Variants in SMARCA2 observed in about 807,000 individuals in gnomAD.
SMARCA2 encodes SWI/SNF related BAF chromatin remodeling complex subunit ATPase 2.
A neutral mutation model predicts 199.8 loss-of-function variants in SMARCA2; 61 were observed. The observed-to-expected ratio is 0.31, with a 90% CI of 0.25 to 0.38. The LOEUF is 0.38. Ranked by LOEUF, SMARCA2 falls within the 10% of genes least tolerant of loss-of-function variation. SMARCA2 has a pLI of 1.00. For synonymous variants in SMARCA2, 935 were observed against 732.0 expected, an observed-to-expected ratio of 1.28 and a Z score of -4.48; for missense variants, 1,344 against 2,012.2, an observed-to-expected ratio of 0.67 and a Z score of 6.35.
At chr9:2,116,083 A>C in intron 25 of SMARCA2, 34 bp downstream of exon 25, 1 of 1,477,884 alleles carries the variant, frequency 6.8e-7, no homozygotes, top group Non-Finnish European at 9.4e-7. Context: ...ATGAAATCAA[A>C]CAGTGGCCTT....
At chr9:2,080,626 G>C (rs1821527767) in intron 14 of SMARCA2, among the ~76,000 whole-genome samples, 2 of 152,054 alleles carry the variant, frequency 1.3e-5, no homozygotes, top group African/African-American at 4.8e-5. Context: ...TTCTCTTGGA[G>C]GTTCTTCCTG....
intron 27 of SMARCA2, among the ~76,000 whole-genome samples, chr9:2,136,535 G>A (rs890894772): frequency 7.2e-5 from 11 of 152,172 alleles, no homozygotes; most frequent in African/African-American, 2.6e-4. Flanking sequence ...GTACATTTAT[G>A]GAGACTGTTG....
chr9:2,033,236 C>T (rs1819154675), intron 3 of SMARCA2, 155 bp downstream of exon 3: 2 of 695,436 alleles, frequency 2.9e-6, no homozygotes, highest in South Asian at 2.2e-5. Flanking sequence ...CCGTCCTCAC[C>T]AATACAACCT....
In SMARCA2 at chr9:2,169,676, T is replaced by C. The variant is rs1826135433; in HGVS notation, c.4200-743T>C. On this transcript the variant is annotated intron_variant, in intron 28 of 33. Transcript: ENST00000349721. This position sits in a 1 kb window ranked among gnomAD's most constrained non-coding sequence, Gnocchi z 6.5. ...GGTGCTGTCTACACCTGGAGGGAGA[T>C]CTAGAGGGTATGGAGGGTCTTCCCA... Among the ~76,000 whole-genome samples, 1 of 151,844 alleles carries C rather than the reference T, an allele frequency of 6.6e-6. No homozygotes were observed. Among genetic ancestry groups the C allele is most frequent in the Non-Finnish European group, 1.5e-5 (1 of 67,974 alleles).
At chr9:2,186,850 T>G (rs1007672310) in intron 32 of SMARCA2, among the ~76,000 whole-genome samples, 4 of 118,498 alleles carry the variant, frequency 3.4e-5, no homozygotes, top group Non-Finnish European at 7.9e-5. Flanking sequence ...GAATGTTGCC[T>G]TTGAATATTA....
chr9:2,151,739 A>G (rs1586759694), intron 27 of SMARCA2, among the ~76,000 whole-genome samples: 1 of 152,144 alleles, frequency 6.6e-6, no homozygotes, highest in African/African-American at 2.4e-5. Flanking sequence ...TATCAAAAAT[A>G]AAAAATAAAT....
At chr9:2,053,056 G>A (rs1820193175) in intron 5 of SMARCA2, among the ~76,000 whole-genome samples, 2 of 152,154 alleles carry the variant, frequency 1.3e-5, no homozygotes, top group South Asian at 2.1e-4. Flanking sequence ...GAGGTTTGGG[G>A]TGCAGTTGAT....
intron 5 of SMARCA2, among the ~76,000 whole-genome samples, chr9:2,049,074 T>C (rs1192075122): frequency 6.7e-6 from 1 of 150,354 alleles, no homozygotes; most frequent in East Asian, 1.9e-4. Flanking sequence ...AGTTAAAACA[T>C]TTTTTTTTTC....
chr9:2,135,034 G>A (rs568667172), intron 27 of SMARCA2, among the ~76,000 whole-genome samples: 21 of 152,266 alleles, frequency 1.4e-4, no homozygotes, highest in Middle Eastern at 3.4e-3. Flanking sequence ...GCCTTGACTC[G>A]TGCAAGAAAT....
intron 4 of SMARCA2, chr9:2,041,318 T>C (rs1819594879): frequency 2.5e-6 from 1 of 398,452 alleles, no homozygotes; most frequent in Admixed American, 4.4e-5. Flanking sequence ...AACAGCAAAT[T>C]TATTTCTTAC....
In SMARCA2 at chr9:2,039,955, G is replaced by C. The variant is rs1819531885; in HGVS notation, c.790+55G>C. Reference sequence around the variant, plus strand: ...GCCATGGTCCAACTCGGATAACAAAGACTGCTCACCAAAACACCGGGTTGT... The same window carrying C: ...GCCATGGTCCAACTCGGATAACAAACACTGCTCACCAAAACACCGGGTTGT... On this transcript the variant is annotated intron_variant, in intron 4 of 33. Coordinates refer to ENST00000349721, the MANE Select transcript of SMARCA2 (RefSeq NM_003070.5). This position sits in a 1 kb window ranked among gnomAD's most constrained non-coding sequence, Gnocchi z 4.8. The C allele has an allele frequency of 5.0e-6, 8 of 1,594,312 alleles. No homozygotes were observed. Among genetic ancestry groups the C allele is most frequent in the Admixed American group, 1.7e-5 (1 of 59,498 alleles).
chr9:2,161,631 T>C lies in SMARCA2; in HGVS notation c.3982-55T>C. 1 of 1,230,300 alleles carries C rather than the reference T, an allele frequency of 8.1e-7. No homozygotes were observed. The highest frequency in any genetic ancestry group is 2.0e-5 in the Admixed American group (1 of 50,250). 76.2% of individuals were successfully genotyped at this position (1,230,300 alleles called of 1,614,324 possible). ...TATATATAAATATACACATACTTTT[T>C]TTGTCTTGGTTATTCTCTTGTCTTG... On this transcript the variant is annotated intron_variant, in intron 27 of 33. Coordinates refer to ENST00000349721, the MANE Select transcript of SMARCA2 (RefSeq NM_003070.5). The surrounding 1 kb of genome is among the most constrained non-coding windows in gnomAD (Gnocchi z 4.7).
chr9:2,163,952 T>C (rs1825814031), intron 28 of SMARCA2, among the ~76,000 whole-genome samples: 1 of 151,998 alleles, frequency 6.6e-6, no homozygotes, highest in African/African-American at 2.4e-5. Flanking sequence ...CTTGCAAAAA[T>C]TTCCCTCCCA....
At chr9:2,124,404 T>G (rs1461804233) in intron 27 of SMARCA2, among the ~76,000 whole-genome samples, 2 of 152,240 alleles carry the variant, frequency 1.3e-5, no homozygotes, top group Non-Finnish European at 2.9e-5. Flanking sequence ...TAGCAGAGTT[T>G]TCTAACTGTG....
rs750789986 is a variant in SMARCA2, at chr9:2,071,212, A to G, written c.1746+741A>G. On this transcript the variant is annotated intron_variant, in intron 10 of 33. Coordinates refer to ENST00000349721, the MANE Select transcript of SMARCA2 (RefSeq NM_003070.5). ...ACTTCCCATTCTGGTATCACTCTGC[A>G]CACAGTTGTATTGTGAACTCAAAAC... 3.3e-5 allele frequency among the ~76,000 whole-genome samples: 5 copies of G among 152,178 alleles called. No individual in the cohort carries two copies. The East Asian group carries it at 5.8e-4, about 18-fold the overall frequency.
chr9:2,176,182 G>GTTTTGTTTTTTTTTTTTTTTTTT (rs1826578013), intron 29 of SMARCA2, among the ~76,000 whole-genome samples: 1 of 104,160 alleles, frequency 9.6e-6, no homozygotes, highest in Non-Finnish European at 2.0e-5. Flanking sequence ...CGCCCGGCCT[G>GTTTTGTTTTTTTTTTTTTTTTTT]TTTTTTTTTT....
chr9:2,054,399 T>C (rs1322464030), intron 5 of SMARCA2, among the ~76,000 whole-genome samples, 198 bp from the exon 6 acceptor site: 1 of 152,368 alleles, frequency 6.6e-6, no homozygotes, highest in East Asian at 1.9e-4. Flanking sequence ...AAGTAACATA[T>C]ACCTGTCTGC....
intron 31 of SMARCA2, among the ~76,000 whole-genome samples, chr9:2,185,031 C>G (rs1554644793): frequency 6.6e-6 from 1 of 152,122 alleles, no homozygotes; most frequent in Non-Finnish European, 1.5e-5. Context: ...ATTTTTAAAA[C>G]ACTGTGATTA....
intron 1 of SMARCA2, among the ~76,000 whole-genome samples, chr9:2,015,688 C>A (rs1818324112): frequency 6.6e-6 from 1 of 152,188 alleles, no homozygotes; most frequent in Non-Finnish European, 1.5e-5. Flanking sequence ...CCGAACCTTG[C>A]TGTTCTAATA....
Sources: allele counts gnomAD v4.1 joint callset (sites outside exome capture counted in the v4.1 genomes callset), GRCh38; gene constraint gnomAD v4.1.1; non-coding constraint Gnocchi (gnomAD v3.1); transcripts MANE v1.5; gene names NCBI Gene and HGNC (gene_info 2026-07-23, HGNC 2026-07-21).